Variants in CDH13 observed in about 807,000 individuals in gnomAD.
CDH13 encodes the protein cadherin-13.
A neutral mutation model predicts 63.8 loss-of-function variants in CDH13; 24 were observed. That is an observed-to-expected ratio of 0.38 (90% CI 0.27 to 0.53). CDH13 has a LOEUF of 0.53. CDH13 is among the 20% of genes least tolerant of loss of function. The pLI, the probability that CDH13 is intolerant of heterozygous loss-of-function variation, is 0.85. For synonymous variants in CDH13, 503 were observed against 355.3 expected, an observed-to-expected ratio of 1.42 and a Z score of -4.67; for missense variants, 1,049 against 903.1, an observed-to-expected ratio of 1.16 and a Z score of -2.07.
intron 6 of CDH13, among the ~76,000 whole-genome samples, chr16:83,399,742 C>G (rs561868544): frequency 6.6e-6 from 1 of 152,260 alleles, no homozygotes; most frequent in East Asian, 1.9e-4. Context: ...CAAACTAAAC[C>G]ACGCTAGACT....
intron 3 of CDH13, among the ~76,000 whole-genome samples, chr16:83,094,929 T>C (rs2034119903): frequency 6.6e-6 from 1 of 152,208 alleles, no homozygotes; most frequent in African/African-American, 2.4e-5. Flanking sequence ...ACCGGTTTGA[T>C]GATGATCATC....
intron 6 of CDH13, among the ~76,000 whole-genome samples, chr16:83,360,030 T>A (rs2091132694): frequency 6.6e-6 from 1 of 152,242 alleles, no homozygotes; most frequent in Non-Finnish European, 1.5e-5. Context: ...GAGTACATAG[T>A]ACGTGATCCT....
Position 82,747,760 on chromosome 16 carries a change from C to A in CDH13, c.46-110602C>A, listed in dbSNP as rs150132404. On this transcript the variant is annotated intron_variant, in intron 1 of 13. Coordinates refer to ENST00000567109, the MANE Select transcript of CDH13 (RefSeq NM_001257.5). The stretch of plus-strand genomic sequence containing the variant: ...GTACTTTTTAAGTGTCTGCATAATG[C>A]GAATGTTGTGAAGTATGTCAACTCT... Among the ~76,000 whole-genome samples the A allele has an allele frequency of 2.4e-4, 37 of 152,236 alleles. No individual in the cohort carries two copies. The South Asian group carries it at 5.6e-3, about 23-fold the overall frequency.
chr16:83,528,118 C>T (rs546939562), intron 7 of CDH13, among the ~76,000 whole-genome samples: 4 of 152,324 alleles, frequency 2.6e-5, no homozygotes, highest in African/African-American at 9.6e-5. Context: ...CCCAAACTCA[C>T]ACAGCCTCTT....
chr16:83,697,317 T>C (rs141656076), intron 10 of CDH13, among the ~76,000 whole-genome samples: 1 of 152,328 alleles, frequency 6.6e-6, no homozygotes, highest in African/African-American at 2.4e-5. Context: ...GCCCTTTTTG[T>C]GATCTGTTTA....
At chr16:83,477,752 A>G (rs2073643869) in intron 6 of CDH13, among the ~76,000 whole-genome samples, 3 of 152,186 alleles carry the variant, frequency 2.0e-5, no homozygotes, top group African/African-American at 4.8e-5. Context: ...CCAACAGACA[A>G]GGTCAAAAGC....
At chr16:83,342,984 C>G (rs1172597011) in intron 5 of CDH13, among the ~76,000 whole-genome samples, 1 of 148,224 alleles carries the variant, frequency 6.7e-6, no homozygotes, top group Non-Finnish European at 1.5e-5. Flanking sequence ...TAGCAGTATT[C>G]TCATAATAGC....
chr16:83,341,879 G>C (rs1476722052), intron 5 of CDH13, among the ~76,000 whole-genome samples: 1 of 152,000 alleles, frequency 6.6e-6, no homozygotes, highest in African/African-American at 2.4e-5. Flanking sequence ...CATTTTCCAT[G>C]TGTTTTGTAT....
chr16:83,533,534 C>T (rs1310424704), intron 7 of CDH13, among the ~76,000 whole-genome samples: 10 of 151,980 alleles, frequency 6.6e-5, no homozygotes, highest in Non-Finnish European at 1.3e-4. Context: ...AGTAAGGACC[C>T]AGCACAAGGA....
chr16:83,423,742 A>G lies in CDH13; in HGVS notation c.782-62735A>G, dbSNP rs182418148. Reference sequence around the variant, plus strand: ...CCTAATAAATATGTAGGATCAAAACATGTGTTTCTGGTTGTGGGGACTGCA... The same window carrying G: ...CCTAATAAATATGTAGGATCAAAACGTGTGTTTCTGGTTGTGGGGACTGCA... On this transcript the variant is annotated intron_variant, in intron 6 of 13. Coordinates refer to ENST00000567109, the MANE Select transcript of CDH13 (RefSeq NM_001257.5). Among the ~76,000 whole-genome samples, 414 of 152,316 alleles carry G rather than the reference A, an allele frequency of 2.7e-3. 5 individuals are homozygous for G. Among genetic ancestry groups the G allele is most frequent in the African/African-American group, 9.5e-3 (395 of 41,566 alleles).
chr16:83,205,568 C>A (rs11150549), intron 4 of CDH13, among the ~76,000 whole-genome samples: 150,285 of 150,872 alleles, frequency 1, 74,853 homozygotes, highest in Non-Finnish European at 1. Context: ...GAGGGGAGAT[C>A]ATATGTTACA....
At chr16:83,620,014 C>T (rs113179157) in intron 8 of CDH13, among the ~76,000 whole-genome samples, 50 of 150,254 alleles carry the variant, frequency 3.3e-4, no homozygotes, top group Non-Finnish European at 5.3e-4. Flanking sequence ...CTGGAGAGGG[C>T]GGGAGGGGCC....
chr16:83,535,775 G>A (rs554820862), intron 7 of CDH13, among the ~76,000 whole-genome samples: 7 of 147,976 alleles, frequency 4.7e-5, no homozygotes, highest in Non-Finnish European at 9.0e-5. Context: ...TTAGGACAGT[G>A]CTTGACACAG....
chr16:83,009,479 A>G (rs1913895785), intron 2 of CDH13, among the ~76,000 whole-genome samples: 1 of 152,096 alleles, frequency 6.6e-6, no homozygotes, highest in African/African-American at 2.4e-5. Context: ...TTTCCTCCAG[A>G]CAATTCTAGA....
At chr16:83,232,962 T>C (rs1484851504) in intron 5 of CDH13, among the ~76,000 whole-genome samples, 1 of 152,196 alleles carries the variant, frequency 6.6e-6, no homozygotes, top group Non-Finnish European at 1.5e-5. Flanking sequence ...CCTGAAATGA[T>C]GCTGATGTTG....
At chr16:83,361,694 CA>C (rs2091165706) in intron 6 of CDH13, among the ~76,000 whole-genome samples, 1 of 152,090 alleles carries the variant, frequency 6.6e-6, no homozygotes, top group African/African-American at 2.4e-5. Flanking sequence ...GTCCTTTTCC[CA>C]TTGCTTATTT....
intron 5 of CDH13, among the ~76,000 whole-genome samples, chr16:83,244,145 C>T (rs551516616): frequency 2.0e-5 from 3 of 152,110 alleles, no homozygotes; most frequent in Non-Finnish European, 2.9e-5. Context: ...TTTCTGCTCG[C>T]TGAGCTTTCT....
intron 5 of CDH13, among the ~76,000 whole-genome samples, chr16:83,290,497 G>A (rs183775384): frequency 5.0e-4 from 76 of 152,214 alleles, no homozygotes; most frequent in African/African-American, 1.7e-3. Flanking sequence ...CATGTAAGAC[G>A]TGCCTTTGCC....
chr16:83,194,024 C>G (rs1226758524), intron 4 of CDH13, among the ~76,000 whole-genome samples: 1 of 152,184 alleles, frequency 6.6e-6, no homozygotes, highest in African/African-American at 2.4e-5. Context: ...AGCTGCCACC[C>G]ACACACAGGA....
Sources: allele counts gnomAD v4.1 joint callset (sites outside exome capture counted in the v4.1 genomes callset), GRCh38; gene constraint gnomAD v4.1.1; transcripts MANE v1.5; gene names NCBI Gene and HGNC (gene_info 2026-07-23, HGNC 2026-07-21).